ZNF197: variants seen among roughly 807,000 people sequenced by gnomAD.
ZNF197 encodes VHL-associated KRAB-A domain-containing protein.
A neutral mutation model predicts 27.4 loss-of-function variants in ZNF197; 14 were observed. The ratio of observed to expected loss-of-function variants is 0.51; its 90% CI spans 0.34 to 0.80. The LOEUF is 0.80. Ranked by LOEUF, ZNF197 falls within the 30% of genes least tolerant of loss-of-function variation. The pLI is 0.02. For synonymous variants in ZNF197, 415 were observed against 420.0 expected, an observed-to-expected ratio of 0.99 and a Z score of 0.15; for missense variants, 1,090 against 1,222.6, an observed-to-expected ratio of 0.89 and a Z score of 1.62.
chr3:44,635,183 AC>A (rs1257601871), intron 5 of ZNF197, among the ~76,000 whole-genome samples: 10 of 150,118 alleles, frequency 6.7e-5, no homozygotes, highest in African/African-American at 2.2e-4. Flanking sequence ...AAAAAAAAAA[AC>A]CAATAAAATA....
chr3:44,635,350 A>C (rs1359435106), intron 5 of ZNF197, among the ~76,000 whole-genome samples: 1 of 152,202 alleles, frequency 6.6e-6, no homozygotes, highest in Non-Finnish European at 1.5e-5. Context: ...CTGATTTGAG[A>C]TACATTAAAG....
chr3:44,643,963 T>G lies in ZNF197; in HGVS notation c.2833T>G (p.Leu945Val). The G allele has an allele frequency of 6.2e-7, 1 of 1,614,084 alleles. No homozygotes were observed. Among genetic ancestry groups the G allele is most frequent in the Non-Finnish European group, 8.5e-7 (1 of 1,180,000 alleles). ...CRKSFTSKRN[L>V]VGHQRIHTGE... ...GAAATCCTTTACTTCTAAGAGGAAT[T>G]TAGTTGGCCACCAGAGAATTCACAC... Residue 945 changes from leucine (L) to valine (V), a missense_variant, in exon 6 of 6, where the codon TTA becomes GTA. Physicochemically the swap from Leu to Val is conservative, Grantham distance 32 (BLOSUM62 1). Transcript: ENST00000344387.
chr3:44,633,702 A>G (rs1268053356), intron 5 of ZNF197, among the ~76,000 whole-genome samples: 1 of 152,278 alleles, frequency 6.6e-6, no homozygotes, highest in South Asian at 2.1e-4. Context: ...TATGATTCTG[A>G]ATGTTTCTAT....
Position 44,632,496 on chromosome 3 carries a change from G to A in ZNF197, c.666G>A (p.Val222=). 1.2e-6 allele frequency: 2 copies of A among 1,605,672 alleles called. No homozygotes were observed. Among genetic ancestry groups the A allele is most frequent in the South Asian group, 1.1e-5 (1 of 89,536 alleles). Residue 222 remains valine (V), a synonymous_variant, in exon 5 of 6, where the codon GTG becomes GTA. Transcript: ENST00000344387. Reference sequence around the variant, plus strand: ...AGGAGTTGGTGATGTTCGAGGAGGTGTCAGTATGCTTCACTTCAGAGGAAT... The same window carrying A: ...AGGAGTTGGTGATGTTCGAGGAGGTATCAGTATGCTTCACTTCAGAGGAAT... ...QPQELVMFEE[V]SVCFTSEEWA...
rs1231839387 is a variant in ZNF197, at chr3:44,643,079, A to C, written c.1949A>C (p.Tyr650Ser). ...HQRLHNGEKPYECNECGKVFI... is the reference protein window; with the variant it reads ...HQRLHNGEKPSECNECGKVFI... ...AGACTCCACAATGGGGAGAAGCCCT[A>C]TGAATGTAATGAATGTGGGAAAGTT... The change falls in exon 6 of 6, where the codon TAT (tyrosine) becomes TCT (serine). Residue 650 changes from tyrosine (Y) to serine (S), a missense_variant. Transcript: ENST00000344387. 2 of 1,614,022 alleles carry C rather than the reference A, an allele frequency of 1.2e-6. No homozygotes were observed. The highest frequency in any genetic ancestry group is 1.7e-6 in the Non-Finnish European group (2 of 1,179,976).
chr3:44,632,115 C>T lies in ZNF197; in HGVS notation c.561C>T (p.Ala187=), dbSNP rs1260649637. ...NLQDPQHDSP[A]PEASALSQEE... ...TTTCTCCCTCCTCAGATTCTCCTGC[C>T]CCTGAAGCTTCTGCCCTTTCCCAGG... The change falls in exon 4 of 6, where the codon GCC becomes GCT. Residue 187 remains alanine, a synonymous_variant. Coordinates refer to ENST00000344387, the MANE Select transcript of ZNF197 (RefSeq NM_006991.5). 6.8e-6 allele frequency: 11 copies of T among 1,614,112 alleles called. No homozygotes were observed. The highest frequency in any genetic ancestry group is 1.7e-5 in the Admixed American group (1 of 60,024).
At chr3:44,635,412 G>T (rs1209518514) in intron 5 of ZNF197, among the ~76,000 whole-genome samples, 1 of 152,126 alleles carries the variant, frequency 6.6e-6, no homozygotes, top group Non-Finnish European at 1.5e-5. Context: ...ATAGTCCCAG[G>T]TAACTATGAT....
In ZNF197 at chr3:44,629,451, G is replaced by C. The variant is rs1447207618; in HGVS notation, c.297G>C (p.Arg99=). The change falls in exon 2 of 6, where the codon CGG becomes CGC. Residue 99 remains arginine, a synonymous_variant. Transcript: ENST00000344387. ...QFLSILPGEI[R]TWVQLHHPGS... The stretch of plus-strand genomic sequence containing the variant: ...TGAGCATCCTGCCTGGGGAGATTCG[G>C]ACCTGGGTACAGCTCCATCACCCTG... 6.2e-7 allele frequency: 1 copy of C among 1,613,952 alleles called. No individual in the cohort carries two copies. Among genetic ancestry groups the C allele is most frequent in the Admixed American group, 1.7e-5 (1 of 60,026 alleles).
At position 44,642,391 on chromosome 3, in the gene ZNF197, T is replaced by G. The variant is rs764744151; in HGVS notation, c.1261T>G (p.Ser421Ala). 2 of 1,614,116 alleles carry G rather than the reference T, an allele frequency of 1.2e-6. No individual in the cohort carries two copies. Among genetic ancestry groups the G allele is most frequent in the Non-Finnish European group, 1.7e-6 (2 of 1,180,014 alleles). ...CCTTCTAATGCATTTACGGAACCAT[T>G]CAGGGGAGAAACCTTATAAATGTAA... ...SSLLMHLRNH[S>A]GEKPYKCNEC... Residue 421 changes from serine (S) to alanine (A), a missense_variant, in exon 6 of 6, where the codon TCA (serine) becomes GCA (alanine). Transcript: ENST00000344387.
rs754236028 is a variant in ZNF197 at position 44,644,096 on chromosome 3, A to T, written c.2966A>T (p.Asp989Val). ...ACAGATGAAAAACCTTGTGAATGTG[A>T]TGTGTCTGAAAAAGAATTCTCTCAG... ...IHTDEKPCEC[D>V]VSEKEFSQTS... Residue 989 changes from aspartate to valine, a missense_variant, in exon 6 of 6, where the codon GAT becomes GTT. Physicochemically the swap from Asp to Val is radical, Grantham distance 152. Coordinates refer to ENST00000344387, the MANE Select transcript of ZNF197 (RefSeq NM_006991.5). The T allele has an allele frequency of 2.5e-6, 4 of 1,614,160 alleles. No homozygotes were observed. In the Admixed American group the frequency reaches 5.0e-5, roughly 20 times the overall value.
At chr3:44,632,911 A>G (rs1702092728) in intron 5 of ZNF197, among the ~76,000 whole-genome samples, 1 of 152,148 alleles carries the variant, frequency 6.6e-6, no homozygotes, top group Non-Finnish European at 1.5e-5. Flanking sequence ...GTTATTATCT[A>G]TATTGGCTAT....
chr3:44,637,391 G>C (rs1215073132), intron 5 of ZNF197, among the ~76,000 whole-genome samples: 1 of 152,110 alleles, frequency 6.6e-6, no homozygotes, highest in Non-Finnish European at 1.5e-5. Context: ...GCCTCCCCAA[G>C]TGTTGGCATT....
At chr3:44,636,949 G>GA (rs1296581983) in intron 5 of ZNF197, among the ~76,000 whole-genome samples, 1 of 152,128 alleles carries the variant, frequency 6.6e-6, no homozygotes, top group African/African-American at 2.4e-5. Flanking sequence ...GCATTTACCT[G>GA]ATGGTTAATG....
chr3:44,646,765 G>A lies in ZNF197; in HGVS notation c.*2545G>A. 1 of 448,478 alleles carries A rather than the reference G, an allele frequency of 2.2e-6. No individual in the cohort carries two copies. Among genetic ancestry groups the A allele is most frequent in the South Asian group, 3.5e-5 (1 of 28,594 alleles). The allele number at this position is 448,478 out of a possible 1,614,324, so 27.8% of individuals were successfully genotyped here. A position where few individuals can be genotyped will look rare whatever the true frequency, so the allele number is the denominator to read the frequency against. On this transcript the variant is annotated 3_prime_UTR_variant, in exon 6 of 6. Coordinates refer to ENST00000344387, the MANE Select transcript of ZNF197 (RefSeq NM_006991.5). ...TGTTTTTAAAAGATAATACTAGAGA[G>A]CCGTTAGGTACTAAGAACCAGAAAT...
chr3:44,639,069 A>G (rs1404100521), intron 5 of ZNF197, among the ~76,000 whole-genome samples: 3 of 151,870 alleles, frequency 2.0e-5, no homozygotes, highest in East Asian at 1.9e-4. Flanking sequence ...TGTTTTATCT[A>G]TTGTCATGAT....
chr3:44,639,489 T>C lies in ZNF197; in HGVS notation c.770-2411T>C, dbSNP rs115825934. ...GGGTAATTTTTTTTTTTTTTAATTATTGATTCAATTTCTTTCCCTGTTGTA... is the reference window on the plus strand; with the variant it reads ...GGGTAATTTTTTTTTTTTTTAATTACTGATTCAATTTCTTTCCCTGTTGTA... On this transcript the variant is annotated intron_variant, in intron 5 of 5. Coordinates refer to ENST00000344387, the MANE Select transcript of ZNF197 (RefSeq NM_006991.5). Among the ~76,000 whole-genome samples the C allele has an allele frequency of 8.7e-3, 1,324 of 151,648 alleles. 21 individuals are homozygous for C. The highest frequency in any genetic ancestry group is 0.031 in the African/African-American group (1,265 of 41,406).
In ZNF197 at chr3:44,646,401, C is replaced by A; in HGVS notation, c.*2181C>A. The A allele has an allele frequency of 6.3e-7, 1 of 1,599,740 alleles. No individual in the cohort carries two copies. Among genetic ancestry groups the A allele is most frequent in the Non-Finnish European group, 8.5e-7 (1 of 1,173,180 alleles). ...AAATGTCACATTGCTTAGATTGAGA[C>A]AGCCCACATAATGTGCCACCTTCTG... On this transcript the variant is annotated 3_prime_UTR_variant, in exon 6 of 6. Transcript: ENST00000344387.
intron 5 of ZNF197, among the ~76,000 whole-genome samples, chr3:44,633,169 G>C (rs532873247): frequency 1.3e-5 from 2 of 152,154 alleles, no homozygotes; most frequent in African/African-American, 4.8e-5. Context: ...GCCTTCATTT[G>C]TACTGAGTAA....
chr3:44,625,750 GCACACACACACACACACA>G (rs56833441), intron 1 of ZNF197, among the ~76,000 whole-genome samples: 11 of 148,962 alleles, frequency 7.4e-5, no homozygotes, highest in Admixed American at 2.7e-4. Flanking sequence ...GCGCGCGCGC[GCACACACACACACACACA>G]CACACACACA....
Sources: gnomAD v4.1 joint callset for allele counts (sites outside exome capture counted in the v4.1 genomes callset) on GRCh38, gnomAD v4.1.1 for gene constraint, MANE v1.5 for transcripts, NCBI Gene and HGNC (gene_info 2026-07-23, HGNC 2026-07-21) for gene names.